SH3TC1: variants seen among roughly 807,000 people sequenced by gnomAD.
The protein encoded by SH3TC1 is SH3 domain and tetratricopeptide repeats 1.
SH3TC1 carries 135 observed loss-of-function variants against 117.3 expected under a neutral mutation model. The observed-to-expected ratio is 1.15, with a 90% CI of 1.00 to 1.33. SH3TC1 has a LOEUF of 1.33. SH3TC1 is among the 40% of genes most tolerant of loss of function. The pLI, the probability that SH3TC1 is intolerant of heterozygous loss-of-function variation, is 0.00. For synonymous variants in SH3TC1, 898 were observed against 816.9 expected (o/e 1.10, Z -1.69); for missense variants, 2,092 against 1,794.3 (o/e 1.17, Z -3.00).
intron 1 of SH3TC1, among the ~76,000 whole-genome samples, chr4:8,202,038 C>T (rs1717874237): frequency 6.6e-6 from 1 of 152,186 alleles, no homozygotes; most frequent in Admixed American, 6.5e-5. Context: ...CTCGCATGCC[C>T]AGGGAGTGGA....
intron 9 of SH3TC1, among the ~76,000 whole-genome samples, chr4:8,219,812 C>T (rs78785429): frequency 0.012 from 1,779 of 152,322 alleles, 35 homozygotes; most frequent in South Asian, 0.053. Flanking sequence ...AGGCACTGCA[C>T]GCCGGGGGCT....
chr4:8,223,111 G>A, intron 10 of SH3TC1, 141 bp downstream of exon 10: 2 of 1,188,394 alleles, frequency 1.7e-6, no homozygotes, highest in Non-Finnish European at 2.3e-6. Context: ...CTGCCTCCAG[G>A]GCACATAGGG....
rs760486101 is a variant in SH3TC1 at position 8,219,360 on chromosome 4, A to T, written c.942A>T (p.Ala314=). The change falls in exon 9 of 18, where the codon GCA becomes GCT. Residue 314 remains alanine (A), a synonymous_variant. Transcript: ENST00000245105. The part of the protein sequence containing the change: ...LMAVGLASAL[A]DFQGSGPEEM... ...CTGTGGGCCTGGCCTCGGCATTGGCAGACTTCCAGGGCTCGGGGCCCGAAG... is the reference window on the plus strand; with the variant it reads ...CTGTGGGCCTGGCCTCGGCATTGGCTGACTTCCAGGGCTCGGGGCCCGAAG... The T allele has an allele frequency of 6.2e-7, 1 of 1,601,252 alleles. No individual in the cohort carries two copies. The highest frequency in any genetic ancestry group is 8.5e-7 in the Non-Finnish European group (1 of 1,171,620).
rs113583093 is a variant in SH3TC1, at chr4:8,218,972, C to T, written c.917-363C>T. Among the ~76,000 whole-genome samples, 784 of 152,030 alleles carry T rather than the reference C, an allele frequency of 5.2e-3. 8 individuals are homozygous for T. Among genetic ancestry groups the T allele is most frequent in the African/African-American group, 0.018 (741 of 41,444 alleles). Reference sequence around the variant, plus strand: ...GAGCTGCCGGTGTCTGGGTGGCCTGCGCACCTGTCAGGGGGACTAAAGCCC... The same window carrying T: ...GAGCTGCCGGTGTCTGGGTGGCCTGTGCACCTGTCAGGGGGACTAAAGCCC... On this transcript the variant is annotated intron_variant, in intron 8 of 17. Coordinates refer to ENST00000245105, the MANE Select transcript of SH3TC1 (RefSeq NM_018986.5).
At position 8,237,598 on chromosome 4, in the gene SH3TC1, GT is replaced by G. The variant is rs776250244; in HGVS notation, c.3684del (p.Phe1228LeufsTer9). ...TGTCGCTCTGCAACTCGCCGCTGGA[GT>G]TTGACGAGGAGACCCTCTACTACGT... is the stretch of plus-strand genomic sequence containing the variant. ...ALSLCNSPLE[F>X]DEETLYYVKV... is the part of the protein sequence containing the mutation. On this transcript the variant is annotated frameshift_variant, in exon 17 of 18. Coordinates refer to ENST00000245105, the MANE Select transcript of SH3TC1 (RefSeq NM_018986.5). LOFTEE classifies it high-confidence loss of function. 6.2e-7 allele frequency: 1 copy of G among 1,612,458 alleles called. No individual in the cohort carries two copies. The highest frequency in any genetic ancestry group is 2.2e-5 in the East Asian group (1 of 44,832).
rs1044946138 is a variant in SH3TC1, at chr4:8,214,674, G to A, written c.481+94G>A. On this transcript the variant is annotated intron_variant, in intron 5 of 17. Transcript: ENST00000245105. ...CACTTAGATTACAAACTGGTGCTTT[G>A]TTTATTTATTTATTGATGTATTGTT... 27 of 951,626 alleles carry A rather than the reference G, an allele frequency of 2.8e-5. No individual in the cohort carries two copies. In the African/African-American group the frequency reaches 4.4e-4, roughly 16 times the overall value. The allele number at this position is 951,626 out of a possible 1,614,324, so 58.9% of individuals were successfully genotyped here.
intron 13 of SH3TC1, chr4:8,232,871 G>A (rs1721372441): frequency 1.6e-6 from 2 of 1,236,892 alleles, no homozygotes; most frequent in Non-Finnish European, 1.0e-6. Context: ...TGTGGTCCCT[G>A]GACCAGCAGA....
intron 14 of SH3TC1, 74 bp from the exon 15 acceptor site, chr4:8,235,358 CG>C (rs1721708088): frequency 1.4e-6 from 2 of 1,405,456 alleles, no homozygotes; most frequent in Non-Finnish European, 1.9e-6. Context: ...GGAGGCTGGG[CG>C]GGGGAGTCCG....
chr4:8,205,663 C>A lies in SH3TC1; in HGVS notation c.172+297C>A, dbSNP rs867783009. The A allele has an allele frequency of 1.3e-6, 1 of 760,802 alleles. No homozygotes were observed. Among genetic ancestry groups the A allele is most frequent in the Non-Finnish European group, 2.4e-6 (1 of 415,852 alleles). 47.1% of individuals were successfully genotyped at this position (760,802 alleles called of 1,614,324 possible). A position where few individuals can be genotyped will look rare whatever the true frequency, so the allele number is the denominator to read the frequency against. On this transcript the variant is annotated intron_variant, in intron 2 of 17. Transcript: ENST00000245105. This position sits in a 1 kb window ranked among gnomAD's most constrained non-coding sequence, Gnocchi z 5.4. The stretch of plus-strand genomic sequence containing the variant: ...GCCTTTGAACCCCCATGTTCAGAGA[C>A]CGTTCCAGAAACAGTCCGATGGGTT...
At position 8,192,724 on chromosome 4, in the gene SH3TC1, C is replaced by T. The variant is rs761514263; in HGVS notation, c.-57+10514C>T. 1.3e-5 allele frequency among the ~76,000 whole-genome samples: 2 copies of T among 151,914 alleles called. No individual in the cohort carries two copies. The highest frequency in any genetic ancestry group is 2.4e-5 in the African/African-American group (1 of 41,336). The stretch of plus-strand genomic sequence containing the variant: ...GGTCAGGCTGGTCTCAAACTCCTGA[C>T]CTCGTGATCCACCTGCCTTGGTCTC... On this transcript the variant is annotated intron_variant, in intron 1 of 16. Transcript: ENST00000508641. This position sits in a 1 kb window ranked among gnomAD's most constrained non-coding sequence, Gnocchi z 4.1.
intron 11 of SH3TC1, among the ~76,000 whole-genome samples, chr4:8,226,302 G>T (rs1264392798): frequency 2.0e-5 from 3 of 152,220 alleles, no homozygotes; most frequent in Non-Finnish European, 4.4e-5. Context: ...CCTGGCCTTT[G>T]TTAACCCTTT....
chr4:8,234,438 A>G (rs1241906555), intron 14 of SH3TC1, among the ~76,000 whole-genome samples: 2 of 150,322 alleles, frequency 1.3e-5, no homozygotes, highest in Non-Finnish European at 3.0e-5. Context: ...CCATCCATAC[A>G]TTATCCACCC....
At chr4:8,212,856 G>A (rs1718878336) in intron 4 of SH3TC1, 28 bp downstream of exon 4, 1 of 1,530,070 alleles carries the variant, frequency 6.5e-7, no homozygotes, top group African/African-American at 1.4e-5. Flanking sequence ...GCCTGCTCAG[G>A]GATGGGAGCT....
In SH3TC1 at chr4:8,227,254, T is replaced by C. The variant is rs373296033; in HGVS notation, c.1560T>C (p.Asp520=). The change falls in exon 12 of 18, where the codon GAT becomes GAC. Residue 520 remains aspartate, a synonymous_variant. Transcript: ENST00000245105. ...AGGCCAGCTTCCGTGGCCTGTACGA[T>C]GTGGCGCTGCCGTGGCTGAGCAGCG... ...GYKASFRGLY[D]VALPWLSSVF... 16 of 1,597,614 alleles carry C rather than the reference T, an allele frequency of 1.0e-5. No homozygotes were observed. Among genetic ancestry groups the C allele is most frequent in the Non-Finnish European group, 1.3e-5 (15 of 1,172,338 alleles).
chr4:8,208,674 C>T (rs1718405676), intron 2 of SH3TC1, among the ~76,000 whole-genome samples: 1 of 152,234 alleles, frequency 6.6e-6, no homozygotes, highest in South Asian at 2.1e-4. Context: ...TTTCTGAGCC[C>T]CCACTGCATG....
chr4:8,236,147 A>C, intron 15 of SH3TC1, 131 bp from the exon 16 acceptor site: 1 of 1,172,296 alleles, frequency 8.5e-7, no homozygotes, highest in Non-Finnish European at 1.1e-6. Flanking sequence ...TTTATCTCAG[A>C]GCACACAGCT....
chr4:8,228,066 G>T lies in SH3TC1; in HGVS notation c.2372G>T (p.Ser791Ile). 6.2e-7 allele frequency: 1 copy of T among 1,605,728 alleles called. No individual in the cohort carries two copies. The highest frequency in any genetic ancestry group is 8.5e-7 in the Non-Finnish European group (1 of 1,175,444). Reference protein sequence around the residue: ...GQALRGPLYTSLAQLYSHHGC... With the variant: ...GQALRGPLYTILAQLYSHHGC... ...GCGCTGCGCGGCCCCCTCTACACCA[G>T]CTTGGCCCAGCTGTACAGCCACCAT... Residue 791 changes from serine (S) to isoleucine (I), a missense_variant, in exon 12 of 18, where the codon AGC (serine) becomes ATC (isoleucine). Physicochemically the swap from Ser to Ile is moderately radical, Grantham distance 142. Transcript: ENST00000245105.
rs1373603622 is a variant in SH3TC1, at chr4:8,186,027, A to G, written c.-57+3817A>G. 1.3e-5 allele frequency among the ~76,000 whole-genome samples: 2 copies of G among 152,166 alleles called. No individual in the cohort carries two copies. The highest frequency in any genetic ancestry group is 4.8e-5 in the African/African-American group (2 of 41,432). On this transcript the variant is annotated intron_variant, in intron 1 of 16. Coordinates refer to the SH3TC1 transcript ENST00000508641. The surrounding 1 kb of genome is among the most constrained non-coding windows in gnomAD (Gnocchi z 5.2). ...CCCTGACAGGGGGACATTGAGCAAC[A>G]TTTCCTACATTTTACGGTGATAGGC...
chr4:8,216,862 T>A, intron 6 of SH3TC1, 95 bp from the exon 7 acceptor site: 1 of 1,293,140 alleles, frequency 7.7e-7, no homozygotes, highest in African/African-American at 1.5e-5. Context: ...CCTGTGGGTG[T>A]TGCCTTCGTT....
Sources: gnomAD v4.1 joint callset for allele counts (sites outside exome capture counted in the v4.1 genomes callset) on GRCh38, gnomAD v4.1.1 for gene constraint, Gnocchi (gnomAD v3.1) non-coding constraint, MANE v1.5 for transcripts, NCBI Gene and HGNC (gene_info 2026-07-23, HGNC 2026-07-21) for gene names.